Variants in NDUFAF2 observed in about 807,000 individuals in gnomAD.
The protein encoded by NDUFAF2 is NADH:ubiquinone oxidoreductase complex assembly factor 2.
In NDUFAF2, 13 loss-of-function variants were observed where a neutral mutation model predicts 22.8. The ratio of observed to expected loss-of-function variants is 0.57; its 90% confidence interval spans 0.37 to 0.91. The LOEUF is 0.91. NDUFAF2 is among the 40% of genes least tolerant of loss of function. The probability of loss-of-function intolerance (pLI) is 0.01; values close to 1 mark genes in which losing one functional copy is unlikely to be tolerated. For missense variants in NDUFAF2, 162 were observed against 195.2 expected, an observed-to-expected ratio of 0.83 and a Z score of 1.01; for synonymous variants, 53 against 64.2, an observed-to-expected ratio of 0.83 and a Z score of 0.84.
intron 1 of NDUFAF2, among the ~76,000 whole-genome samples, chr5:60,991,591 A>G (rs375433858): frequency 1.1e-4 from 17 of 152,328 alleles, no homozygotes; most frequent in African/African-American, 3.8e-4. Context: ...TTCACTTAAC[A>G]TAGCAATCTC....
intron 3 of NDUFAF2, among the ~76,000 whole-genome samples, chr5:61,101,145 A>C (rs1240204998): frequency 6.6e-6 from 1 of 152,168 alleles, no homozygotes; most frequent in Non-Finnish European, 1.5e-5. Flanking sequence ...TCTTAATGTA[A>C]AGTAAAACAT....
chr5:60,954,181 G>T (rs970642538), intron 1 of NDUFAF2, among the ~76,000 whole-genome samples: 2 of 152,134 alleles, frequency 1.3e-5, no homozygotes, highest in African/African-American at 4.8e-5. Flanking sequence ...TTAGCTGTAA[G>T]ATAGCCAAAG....
At chr5:60,968,903 A>G (rs1304776205) in intron 1 of NDUFAF2, among the ~76,000 whole-genome samples, 1 of 151,810 alleles carries the variant, frequency 6.6e-6, no homozygotes. Flanking sequence ...TCTGCTCTCT[A>G]TCTTCATGAA....
chr5:61,016,071 A>C (rs1305212977), intron 1 of NDUFAF2, among the ~76,000 whole-genome samples: 2 of 152,144 alleles, frequency 1.3e-5, no homozygotes, highest in Non-Finnish European at 2.9e-5. Context: ...CTTCAATCCC[A>C]GCTACTCAGG....
Position 60,996,102 on chromosome 5 carries a change from C to A in NDUFAF2, c.127+50720C>A, listed in dbSNP as rs1751225552. On this transcript the variant is annotated intron_variant, in intron 1 of 3. Coordinates refer to ENST00000296597, the MANE Select transcript of NDUFAF2 (RefSeq NM_174889.5). ...GCCATCCAAGAGCCAAGTCATAGAA[C>A]TGGGGACTCTAAGAACCTGCTTGGT... Among the ~76,000 whole-genome samples the A allele has an allele frequency of 3.3e-5, 5 of 152,098 alleles. No homozygotes were observed. In the South Asian group the frequency reaches 1.0e-3, roughly 32 times the overall value.
chr5:61,032,268 T>G (rs544457865), intron 1 of NDUFAF2, among the ~76,000 whole-genome samples: 1 of 152,358 alleles, frequency 6.6e-6, no homozygotes, highest in African/African-American at 2.4e-5. Flanking sequence ...GTGTTGCCAT[T>G]GCCTTTGGTG....
At chr5:60,995,396 C>G (rs1193734436) in intron 1 of NDUFAF2, among the ~76,000 whole-genome samples, 1 of 152,210 alleles carries the variant, frequency 6.6e-6, no homozygotes, top group African/African-American at 2.4e-5. Context: ...AAGGGGCACC[C>G]CAAGTTCAGT....
chr5:61,023,664 G>A (rs372571680), intron 1 of NDUFAF2, among the ~76,000 whole-genome samples: 1 of 152,146 alleles, frequency 6.6e-6, no homozygotes, highest in Non-Finnish European at 1.5e-5. Context: ...CACATATATA[G>A]GATACTCTTG....
chr5:61,134,868 T>G (rs1475374061), intron 3 of NDUFAF2, among the ~76,000 whole-genome samples: 1 of 152,110 alleles, frequency 6.6e-6, no homozygotes, highest in African/African-American at 2.4e-5. Flanking sequence ...TTTAAAATTT[T>G]AAAAAATGTT....
At chr5:61,028,194 A>T (rs1751676031) in intron 1 of NDUFAF2, among the ~76,000 whole-genome samples, 1 of 152,082 alleles carries the variant, frequency 6.6e-6, no homozygotes, top group Non-Finnish European at 1.5e-5. Context: ...GAGTGAAATA[A>T]GAAAGTGAGT....
chr5:60,965,274 A>G (rs1750739826), intron 1 of NDUFAF2, among the ~76,000 whole-genome samples: 1 of 152,170 alleles, frequency 6.6e-6, no homozygotes, highest in Non-Finnish European at 1.5e-5. Flanking sequence ...AATTGTATAT[A>G]TTTACAGTGT....
At chr5:61,095,471 G>T (rs1752627746) in intron 2 of NDUFAF2, among the ~76,000 whole-genome samples, 1 of 152,230 alleles carries the variant, frequency 6.6e-6, no homozygotes, top group African/African-American at 2.4e-5. Context: ...CACTGTGGAA[G>T]TGGGGCCTGC....
chr5:60,945,273 T>G lies in NDUFAF2; in HGVS notation c.18T>G (p.Asp6Glu), dbSNP rs886060726. The G allele has an allele frequency of 1.9e-6, 3 of 1,613,380 alleles. No homozygotes were observed. The highest frequency in any genetic ancestry group is 1.7e-6 in the Non-Finnish European group (2 of 1,179,930). Reference protein sequence around the residue: MGWSQDLFRALWRSLS... With the variant: MGWSQELFRALWRSLS... The stretch of plus-strand genomic sequence containing the variant: ...TGGACGGCATGGGTTGGTCTCAGGA[T>G]TTGTTCCGCGCCTTGTGGAGATCGC... The change falls in exon 1 of 4, where the codon GAT becomes GAG. Residue 6 changes from aspartate to glutamate, a missense_variant. Asp to Glu is a conservative substitution (Grantham distance 45). Around this residue, in one of 2 missense-constraint regions of NDUFAF2, gnomAD observed 94 missense variants for 85.2 expected, o/e 1.10. Transcript: ENST00000296597.
intron 2 of NDUFAF2, among the ~76,000 whole-genome samples, chr5:61,089,574 A>AT (rs1262949497): frequency 6.6e-6 from 1 of 152,108 alleles, no homozygotes; most frequent in African/African-American, 2.4e-5. Flanking sequence ...TAGTAGTGGC[A>AT]TCACTCATCA....
rs1751194469 is a variant in NDUFAF2, at chr5:60,993,973, TGGG to T, written c.127+48593_127+48595del. ...GCCTGACCTGAAGGTGGGGCCTCAG[TGGG>T]GACCTGCTCCCTTCTGCCCAGGCTA... On this transcript the variant is annotated intron_variant, in intron 1 of 3. Coordinates refer to ENST00000296597, the MANE Select transcript of NDUFAF2 (RefSeq NM_174889.5). 2.0e-5 allele frequency among the ~76,000 whole-genome samples: 3 copies of T among 152,228 alleles called. No homozygotes were observed. The South Asian group carries it at 6.2e-4, about 31-fold the overall frequency.
chr5:61,010,878 G>A (rs778956615), intron 1 of NDUFAF2, among the ~76,000 whole-genome samples: 22 of 152,102 alleles, frequency 1.4e-4, no homozygotes, highest in Admixed American at 2.0e-4. Flanking sequence ...AAGGGAAAGG[G>A]CATTTTCTTC....
chr5:61,065,093 G>T (rs532325182), intron 1 of NDUFAF2, among the ~76,000 whole-genome samples: 13 of 152,106 alleles, frequency 8.5e-5, no homozygotes, highest in Admixed American at 5.9e-4. Context: ...CAACAAATTG[G>T]ATAACCTAGA....
At chr5:60,958,447 A>G (rs1205026348) in intron 1 of NDUFAF2, among the ~76,000 whole-genome samples, 3 of 152,178 alleles carry the variant, frequency 2.0e-5, no homozygotes, top group Non-Finnish European at 4.4e-5. Context: ...TAATCTTCCA[A>G]TCTTTTTAGT....
At chr5:61,001,031 G>A (rs1441954053) in intron 1 of NDUFAF2, among the ~76,000 whole-genome samples, 1 of 151,980 alleles carries the variant, frequency 6.6e-6, no homozygotes, top group Non-Finnish European at 1.5e-5. Flanking sequence ...TTATACCATG[G>A]CCTTTTTCTA....
Sources: gnomAD v4.1 joint callset for allele counts (sites outside exome capture counted in the v4.1 genomes callset) on GRCh38, gnomAD v4.1.1 for gene constraint, gnomAD v4.1.1 regional missense constraint, MANE v1.5 for transcripts, NCBI Gene and HGNC (gene_info 2026-07-23, HGNC 2026-07-21) for gene names.